Variants in SRRM2 observed in about 807,000 individuals in gnomAD.
SRRM2 encodes serine/arginine repetitive matrix 2.
In SRRM2, 30 loss-of-function variants were observed where a neutral mutation model predicts 213.8. That is an observed-to-expected ratio of 0.14 (90% confidence interval 0.10 to 0.19). The LOEUF (loss-of-function observed/expected upper bound fraction) is 0.19, where lower values mean the gene tolerates loss of function less well. Among genes scored for constraint, SRRM2 ranks in the 10% least tolerant of loss-of-function variants. The pLI is 1.00. For synonymous variants in SRRM2, 2,025 were observed against 1,377.7 expected (o/e 1.47, Z -10.40); for missense variants, 4,904 against 3,647.0 (o/e 1.34, Z -8.88).
intron 12 of SRRM2, chr16:2,769,520 C>G: frequency 3.2e-6 from 2 of 630,142 alleles, no homozygotes; most frequent in Non-Finnish European, 5.7e-6. Context: ...TTCTTCCTCT[C>G]CCTCCCTCAA....
At chr16:2,758,192 A>C (rs1299850130) in intron 4 of SRRM2, among the ~76,000 whole-genome samples, 1 of 152,120 alleles carries the variant, frequency 6.6e-6, no homozygotes, top group Non-Finnish European at 1.5e-5. Flanking sequence ...TGGGCGATGT[A>C]GTGAGACCCC....
rs370790206 is a variant in SRRM2, at chr16:2,766,784, G to C, written c.6256G>C (p.Asp2086His). 6 of 1,614,040 alleles carry C rather than the reference G, an allele frequency of 3.7e-6. No homozygotes were observed. Among genetic ancestry groups the C allele is most frequent in the Middle Eastern group, 1.6e-4 (1 of 6,084 alleles). Residue 2086 changes from aspartate to histidine, a missense_variant, in exon 11 of 15, where the codon GAT becomes CAT. Transcript: ENST00000301740. The surrounding 1 kb of genome is among the most constrained non-coding windows in gnomAD (Gnocchi z 7.0). Reference protein sequence around the residue: ...RRRSASGSSSDRSRSATPPAT... With the variant: ...RRRSASGSSSHRSRSATPPAT... ...GCGTTCTGCATCTGGAAGTAGTTCT[G>C]ATCGTTCACGATCTGCTACTCCTCC... is the stretch of plus-strand genomic sequence containing the variant.
At chr16:2,759,965 C>G in intron 9 of SRRM2, 1 of 532,938 alleles carries the variant, frequency 1.9e-6, no homozygotes, top group Non-Finnish European at 3.4e-6. Flanking sequence ...CTTACCCTGG[C>G]TTCCTTAATC....
In SRRM2 at chr16:2,760,507, C is replaced by T; in HGVS notation, c.1032+8C>T. 3 of 1,613,916 alleles carry T rather than the reference C, an allele frequency of 1.9e-6. No individual in the cohort carries two copies. The highest frequency in any genetic ancestry group is 1.1e-5 in the South Asian group (1 of 91,014). ...GATAAAGACAAGAAGGAGGTATGTT[C>T]CTGAGTTGGTGATGTTCATTGGATT... On this transcript the variant is annotated splice_region_variant and intron_variant, in intron 10 of 14. Transcript: ENST00000301740.
rs142703288 is a variant in SRRM2, at chr16:2,762,842, C to G, written c.2314C>G (p.Arg772Gly). The G allele has an allele frequency of 3.1e-6, 5 of 1,614,184 alleles. No individual in the cohort carries two copies. The change falls in exon 11 of 15, where the codon CGC becomes GGC. Residue 772 changes from arginine to glycine, a missense_variant. By Grantham distance (125) the Arg-to-Gly change is moderately radical. Coordinates refer to ENST00000301740, the MANE Select transcript of SRRM2 (RefSeq NM_016333.4). Reference protein sequence around the residue: ...LSSPRSKAKSRLSLRRSLSGS... With the variant: ...LSSPRSKAKSGLSLRRSLSGS... ...TTCACCACGGTCCAAAGCAAAATCT[C>G]GCTTGTCTTTGAGGCGCAGCCTTTC...
intron 11 of SRRM2, 27 bp downstream of exon 11, chr16:2,768,288 T>C: frequency 6.6e-7 from 1 of 1,522,798 alleles, no homozygotes; most frequent in Non-Finnish European, 8.8e-7. Flanking sequence ...TTTAGAAATC[T>C]TCAGTGGGGG....
Position 2,770,989 on chromosome 16 carries a change from A to G in SRRM2, c.*122A>G, listed in dbSNP as rs1596299630. 1 of 1,148,894 alleles carries G rather than the reference A, an allele frequency of 8.7e-7. No homozygotes were observed. Among genetic ancestry groups the G allele is most frequent in the Non-Finnish European group, 1.2e-6 (1 of 818,254 alleles). The allele number at this position is 1,148,894 out of a possible 1,614,324, so 71.2% of individuals were successfully genotyped here. On this transcript the variant is annotated 3_prime_UTR_variant, in exon 15 of 15. Coordinates refer to ENST00000301740, the MANE Select transcript of SRRM2 (RefSeq NM_016333.4). ...TCCTTTGAACCTTGGCAGCCCTTGG[A>G]TGGAGGGCTCCCTTTCCCTCCCCTT...
At chr16:2,759,245 C>G in intron 7 of SRRM2, 73 bp downstream of exon 7, 7 of 1,604,656 alleles carry the variant, frequency 4.4e-6, no homozygotes, top group Non-Finnish European at 6.0e-6. Flanking sequence ...GAGTGAAGCT[C>G]AATTCCTTGA....
In SRRM2 at chr16:2,757,892, G is replaced by C; in HGVS notation, c.462G>C (p.Gln154His). The change falls in exon 4 of 15, where the codon CAG (glutamine) becomes CAC (histidine). Residue 154 changes from glutamine to histidine, a missense_variant. By Grantham distance (24) the Gln-to-His change is conservative. Coordinates refer to ENST00000301740, the MANE Select transcript of SRRM2 (RefSeq NM_016333.4). ...TAGATGGCAGCTCTTTTGATCCTCA[G>C]CGTCGTGCCCGAGAAGCTAAACAAC... ...SYVDGSSFDPQRRAREAKQPA... is the reference protein window; with the variant it reads ...SYVDGSSFDPHRRAREAKQPA... 6.2e-7 allele frequency: 1 copy of C among 1,614,158 alleles called. No homozygotes were observed.
In SRRM2 at chr16:2,760,330, C is replaced by A. The variant is rs747144756; in HGVS notation, c.863C>A (p.Thr288Lys). The A allele has an allele frequency of 9.9e-6, 16 of 1,613,816 alleles. No homozygotes were observed. The highest frequency in any genetic ancestry group is 1.3e-5 in the Non-Finnish European group (15 of 1,180,022). Residue 288 changes from threonine (T) to lysine (K), a missense_variant, in exon 10 of 15, where the codon ACA becomes AAA. Coordinates refer to ENST00000301740, the MANE Select transcript of SRRM2 (RefSeq NM_016333.4). ...RSRSAAAKTHTTALAGRSPSP... is the reference protein window; with the variant it reads ...RSRSAAAKTHKTALAGRSPSP... ...CGAAGTGCTGCAGCTAAAACTCATA[C>A]AACTGCCTTGGCTGGGCGAAGTCCT...
rs764764750 is a variant in SRRM2, at chr16:2,765,962, C to T, written c.5434C>T (p.Arg1812Trp). 9.9e-6 allele frequency: 16 copies of T among 1,614,124 alleles called. No homozygotes were observed. The highest frequency in any genetic ancestry group is 2.2e-5 in the East Asian group (1 of 44,874). Reference protein sequence around the residue: ...QRSRSRSRVTRRRRGGSGYHS... With the variant: ...QRSRSRSRVTWRRRGGSGYHS... ...GAGCCGGTCAAGGTCGCGGGTTACT[C>T]GGCGGCGGAGGGGAGGCTCTGGTTA... is the stretch of plus-strand genomic sequence containing the variant. Residue 1812 changes from arginine (R) to tryptophan (W), a missense_variant, in exon 11 of 15, where the codon CGG (arginine) becomes TGG (tryptophan). Arg to Trp is a moderately radical substitution (Grantham distance 101, BLOSUM62 -3). Coordinates refer to ENST00000301740, the MANE Select transcript of SRRM2 (RefSeq NM_016333.4).
intron 5 of SRRM2, 178 bp from the exon 6 acceptor site, chr16:2,758,807 T>A (rs2068238192): frequency 1.4e-6 from 1 of 736,216 alleles, no homozygotes; most frequent in African/African-American, 1.8e-5. Context: ...GTTTGTTGAC[T>A]TAAGGAGTTA....
chr16:2,758,116 C>T (rs935943704), intron 4 of SRRM2, among the ~76,000 whole-genome samples, 171 bp downstream of exon 4: 8 of 152,122 alleles, frequency 5.3e-5, no homozygotes, highest in South Asian at 4.1e-4. Flanking sequence ...GGGTCACGCG[C>T]GTAATCCCAG....
Position 2,769,101 on chromosome 16 carries a change from GCTCCTCCTCTTCATCTTCCTC to G in SRRM2, c.7848_7868del (p.Ser2642_Ser2648del). On this transcript the variant is annotated inframe_deletion, in exon 12 of 15. Coordinates refer to ENST00000301740, the MANE Select transcript of SRRM2 (RefSeq NM_016333.4). ...AGGCGCTCTAGCAGTTCCAGTTCCAGCTCCTCCTCTTCATCTTCCTCCTCCTCCTCCTCCTCCTCTTCTTCC... is the reference window on the plus strand; with the variant it reads ...AGGCGCTCTAGCAGTTCCAGTTCCAGCTCCTCCTCCTCCTCCTCTTCTTCC... 1.2e-6 allele frequency: 2 copies of G among 1,613,898 alleles called. No individual in the cohort carries two copies. Among genetic ancestry groups the G allele is most frequent in the Non-Finnish European group, 1.7e-6 (2 of 1,179,972 alleles).
In SRRM2 at chr16:2,762,240, G is replaced by T; in HGVS notation, c.1712G>T (p.Gly571Val). ...RSHSRSPATR[G>V]RSRSRTPARR... ...CACTCTAGATCCCCAGCCACTAGGGGTAGATCTCGTTCTAGAACACCAGCC... is the reference window on the plus strand; with the variant it reads ...CACTCTAGATCCCCAGCCACTAGGGTTAGATCTCGTTCTAGAACACCAGCC... Residue 571 changes from glycine to valine, a missense_variant, in exon 11 of 15, where the codon GGT becomes GTT. Gly to Val is a moderately radical substitution (Grantham distance 109). Coordinates refer to ENST00000301740, the MANE Select transcript of SRRM2 (RefSeq NM_016333.4). 6.2e-7 allele frequency: 1 copy of T among 1,614,176 alleles called. No individual in the cohort carries two copies. Among genetic ancestry groups the T allele is most frequent in the Non-Finnish European group, 8.5e-7 (1 of 1,180,012 alleles).
chr16:2,764,349 T>G lies in SRRM2; in HGVS notation c.3821T>G (p.Val1274Gly). The G allele has an allele frequency of 1.9e-6, 3 of 1,614,192 alleles. No homozygotes were observed. Among genetic ancestry groups the G allele is most frequent in the South Asian group, 2.2e-5 (2 of 91,072 alleles). ...AGTAACTTTGAATCATCTCCTGAAG[T>G]AGAAGAAAGGCCTGCTGTGTCTTTG... ...STSNFESSPE[V>G]EERPAVSLTL... The change falls in exon 11 of 15, where the codon GTA becomes GGA. Residue 1274 changes from valine to glycine, a missense_variant. Transcript: ENST00000301740.
In SRRM2 at chr16:2,771,017, T is replaced by A; in HGVS notation, c.*150T>A. ...GAGGGCTCCCTTTCCCTCCCCTTTT[T>A]TTTTTCTTTGTTCCTGTGAAATGTT... On this transcript the variant is annotated 3_prime_UTR_variant, in exon 15 of 15. Coordinates refer to ENST00000301740, the MANE Select transcript of SRRM2 (RefSeq NM_016333.4). 1.1e-6 allele frequency: 1 copy of A among 895,600 alleles called. No individual in the cohort carries two copies. Among genetic ancestry groups the A allele is most frequent in the Non-Finnish European group, 1.7e-6 (1 of 597,510 alleles). The allele number at this position is 895,600 out of a possible 1,614,324, so 55.5% of individuals were successfully genotyped here.
In SRRM2 at chr16:2,761,664, A is replaced by C; in HGVS notation, c.1136A>C (p.Gln379Pro). Residue 379 changes from glutamine to proline, a missense_variant, in exon 11 of 15, where the codon CAA (glutamine) becomes CCA (proline). Physicochemically the swap from Gln to Pro is moderately conservative, Grantham distance 76 (BLOSUM62 -1). Transcript: ENST00000301740. ...GCTGAGCGACATGGCGGCTCCCCAC[A>C]ACCCCTTGCAACCACCCCCTTAAGC... ...LLAERHGGSP[Q>P]PLATTPLSQE... 6.3e-7 allele frequency: 1 copy of C among 1,591,052 alleles called. No individual in the cohort carries two copies. Among genetic ancestry groups the C allele is most frequent in the Non-Finnish European group, 8.5e-7 (1 of 1,169,608 alleles).
chr16:2,756,488 C>T lies in SRRM2; in HGVS notation c.124C>T (p.Leu42=), dbSNP rs373471651. Residue 42 remains leucine (L), a synonymous_variant, in exon 2 of 15, where the codon CTG becomes TTG. Transcript: ENST00000301740. ...GCCTGACTACAAGGGAGAGGAGGAA[C>T]TGCGGCGCCTGGAGGCTGCCCTGGT... ...ERPDYKGEEE[L]RRLEAALVKR... is the part of the protein sequence containing the mutation. The T allele has an allele frequency of 8.7e-6, 14 of 1,613,942 alleles. No homozygotes were observed. The highest frequency in any genetic ancestry group is 1.1e-5 in the Non-Finnish European group (13 of 1,179,944).
Sources: gnomAD v4.1 joint callset for allele counts (sites outside exome capture counted in the v4.1 genomes callset) on GRCh38, gnomAD v4.1.1 for gene constraint, Gnocchi (gnomAD v3.1) non-coding constraint, MANE v1.5 for transcripts, NCBI Gene and HGNC (gene_info 2026-07-23, HGNC 2026-07-21) for gene names.